Variants in WWOX observed in about 807,000 individuals in gnomAD.
The protein encoded by WWOX is WW domain-containing oxidoreductase.
A neutral mutation model predicts 46.2 loss-of-function variants in WWOX; 69 were observed. The ratio of observed to expected loss-of-function variants is 1.49; its 90% CI spans 1.23 to 1.82. WWOX has a LOEUF of 1.82. Among genes scored for constraint, WWOX ranks in the 40% most tolerant of loss-of-function variants. WWOX has a pLI of 0.00. For missense variants in WWOX, 919 were observed against 542.6 expected, an observed-to-expected ratio of 1.69 and a Z score of -6.89; for synonymous variants, 359 against 202.6, an observed-to-expected ratio of 1.77 and a Z score of -6.56.
intron 8 of WWOX, among the ~76,000 whole-genome samples, chr16:79,085,785 C>G (rs1015125752): frequency 2.0e-5 from 3 of 152,142 alleles, no homozygotes; most frequent in African/African-American, 7.2e-5. Context: ...GTGGCTCACA[C>G]CTGTAATCCC....
intron 8 of WWOX, among the ~76,000 whole-genome samples, chr16:79,065,441 G>A (rs1226206973): frequency 2.0e-5 from 3 of 152,206 alleles, no homozygotes; most frequent in African/African-American, 7.2e-5. Flanking sequence ...TCATTGAAGT[G>A]TGGAAAATGG....
intron 5 of WWOX, among the ~76,000 whole-genome samples, chr16:78,367,414 T>A (rs200717028): frequency 6.2e-4 from 1 of 1,618 alleles, no homozygotes; most frequent in Non-Finnish European, 2.4e-3. Context: ...TTTTTTGCCA[T>A]TTTTTTTTCA....
chr16:78,896,202 C>A (rs1464897214), intron 8 of WWOX: 1 of 151,412 alleles, frequency 6.6e-6, no homozygotes, highest in African/African-American at 2.4e-5. Flanking sequence ...ATAATTATAT[C>A]CGGAATGCAC....
At chr16:79,203,784 T>C (rs1245627726) in intron 8 of WWOX, 1 of 152,224 alleles carries the variant, frequency 6.6e-6, no homozygotes, top group Non-Finnish European at 1.5e-5. Context: ...CTGAGCTCAT[T>C]AATTCTGCCT....
At chr16:78,821,431 C>G (rs150003427) in intron 8 of WWOX, among the ~76,000 whole-genome samples, 3 of 152,186 alleles carry the variant, frequency 2.0e-5, no homozygotes, top group East Asian at 3.9e-4. Flanking sequence ...TTTGAAAACC[C>G]GGTGGCTAAT....
intron 8 of WWOX, among the ~76,000 whole-genome samples, chr16:78,779,623 A>G (rs763010559): frequency 3.9e-5 from 6 of 152,208 alleles, no homozygotes; most frequent in Non-Finnish European, 5.9e-5. Context: ...TAAGTAGGAA[A>G]TTGAAGCTCA....
In WWOX at chr16:79,179,163, A is replaced by C. The variant is rs1311884679; in HGVS notation, c.1057-32445A>C. 2.0e-5 allele frequency among the ~76,000 whole-genome samples: 3 copies of C among 152,228 alleles called. No individual in the cohort carries two copies. The East Asian group carries it at 5.8e-4, about 29-fold the overall frequency. ...AACTCACAAAACCTGGAAGGGACAT[A>C]ATTAAAAGTCCTGTCTTCCAAAAGT... On this transcript the variant is annotated intron_variant, in intron 8 of 8. Coordinates refer to ENST00000566780, the MANE Select transcript of WWOX (RefSeq NM_016373.4).
chr16:78,490,123 T>A (rs1232299039), intron 8 of WWOX, among the ~76,000 whole-genome samples: 1 of 88,064 alleles, frequency 1.1e-5, no homozygotes, highest in African/African-American at 3.8e-5. Context: ...TTGTTCAGAT[T>A]GGGGAAAAAA....
chr16:78,983,621 G>A (rs1308664156), intron 8 of WWOX, among the ~76,000 whole-genome samples: 1 of 152,090 alleles, frequency 6.6e-6, no homozygotes, highest in African/African-American at 2.4e-5. Flanking sequence ...GACTCTCCTG[G>A]TGTTAGATTT....
intron 8 of WWOX, among the ~76,000 whole-genome samples, chr16:78,627,007 CT>C (rs1445919311): frequency 6.6e-6 from 1 of 152,066 alleles, no homozygotes; most frequent in Non-Finnish European, 1.5e-5. Flanking sequence ...GTTTTCACTT[CT>C]TTTTTGCTTT....
chr16:78,695,921 C>T (rs571345495), intron 8 of WWOX, among the ~76,000 whole-genome samples: 165 of 152,260 alleles, frequency 1.1e-3, no homozygotes, highest in African/African-American at 3.9e-3. Flanking sequence ...GTCCCTGGAC[C>T]GGCAGCATCA....
chr16:79,074,917 G>A (rs74034333), intron 8 of WWOX, among the ~76,000 whole-genome samples: 1,843 of 152,060 alleles, frequency 0.012, 39 homozygotes, highest in African/African-American at 0.042. Flanking sequence ...TTGCCAAAGT[G>A]TAGTATATAC....
chr16:79,049,619 C>G (rs973971540), intron 8 of WWOX, among the ~76,000 whole-genome samples: 1 of 151,982 alleles, frequency 6.6e-6, no homozygotes, highest in African/African-American at 2.4e-5. Flanking sequence ...GGGTGGATCA[C>G]GAGGTCAGGA....
chr16:79,012,690 A>G (rs766452950), intron 8 of WWOX, among the ~76,000 whole-genome samples: 1 of 152,218 alleles, frequency 6.6e-6, no homozygotes, highest in Non-Finnish European at 1.5e-5. Flanking sequence ...TGAATAGTCT[A>G]TGGAAAGGGC....
chr16:79,130,343 A>G (rs1332140489), intron 8 of WWOX, among the ~76,000 whole-genome samples: 1 of 152,234 alleles, frequency 6.6e-6, no homozygotes, highest in African/African-American at 2.4e-5. Context: ...ATAAAATAAC[A>G]TACAGCATGA....
At chr16:78,709,015 T>C (rs1158791113) in intron 8 of WWOX, among the ~76,000 whole-genome samples, 1 of 152,202 alleles carries the variant, frequency 6.6e-6, no homozygotes, top group South Asian at 2.1e-4. Flanking sequence ...GCTCATAAAC[T>C]ATGTTTCGAA....
intron 5 of WWOX, among the ~76,000 whole-genome samples, chr16:78,329,749 T>C (rs779120929): frequency 6.6e-6 from 1 of 151,628 alleles, no homozygotes; most frequent in Non-Finnish European, 1.5e-5. Context: ...TCTTTTTCTT[T>C]CTTTTTTTTT....
At chr16:79,059,465 C>T (rs947418690) in intron 8 of WWOX, among the ~76,000 whole-genome samples, 3 of 152,164 alleles carry the variant, frequency 2.0e-5, no homozygotes, top group Non-Finnish European at 4.4e-5. Flanking sequence ...GAGAATTTGC[C>T]ATTGCATCTC....
chr16:78,523,355 G>A (rs1225105954), intron 8 of WWOX, among the ~76,000 whole-genome samples: 3 of 152,222 alleles, frequency 2.0e-5, no homozygotes, highest in Non-Finnish European at 2.9e-5. Flanking sequence ...AATGCTGAGA[G>A]CCCTGCTTCC....
Sources: gnomAD v4.1 joint callset for allele counts (sites outside exome capture counted in the v4.1 genomes callset) on GRCh38, gnomAD v4.1.1 for gene constraint, MANE v1.5 for transcripts, NCBI Gene and HGNC (gene_info 2026-07-23, HGNC 2026-07-21) for gene names.